The following LMNTD1 variants were observed in gnomAD, a reference collection of about 807,000 sequenced individuals.
LMNTD1 encodes the protein lamin tail domain-containing protein 1.
A neutral mutation model predicts 50.9 loss-of-function variants in LMNTD1; 35 were observed. The ratio of observed to expected loss-of-function variants is 0.69; its 90% CI spans 0.53 to 0.91. LMNTD1 has a LOEUF of 0.91. Among genes scored for constraint, LMNTD1 ranks in the 40% least tolerant of loss-of-function variants. LMNTD1 has a pLI of 0.00. For missense variants in LMNTD1, 470 were observed against 475.5 expected (o/e 0.99, Z 0.11); for synonymous variants, 153 against 161.9 (o/e 0.94, Z 0.42).
chr12:25,549,302 A>C lies in LMNTD1; in HGVS notation c.310+24T>G. The C allele has an allele frequency of 2.2e-6, 3 of 1,347,194 alleles. No individual in the cohort carries two copies. The South Asian group carries it at 3.7e-5, about 17-fold the overall frequency. The allele number at this position is 1,347,194 out of a possible 1,614,324, so 83.5% of individuals were successfully genotyped here. A position where few individuals can be genotyped will look rare whatever the true frequency, so the allele number is the denominator to read the frequency against. ...TATAAGCTTTAAAAGTACTCTAAAA[A>C]TATGGGTTCCATATTTTGCTTACCC... On this transcript the variant is annotated intron_variant, in intron 3 of 9. Transcript: ENST00000458174.
intron 1 of LMNTD1, among the ~76,000 whole-genome samples, chr12:25,624,508 G>C (rs1050762941): frequency 6.6e-6 from 1 of 152,172 alleles, no homozygotes; most frequent in East Asian, 1.9e-4. Flanking sequence ...GAGCCTGATG[G>C]TGTGGATTTA....
At chr12:25,612,622 C>T (rs1024168615) in intron 1 of LMNTD1, among the ~76,000 whole-genome samples, 1 of 151,790 alleles carries the variant, frequency 6.6e-6, no homozygotes, top group African/African-American at 2.4e-5. Context: ...TGCCTGAATC[C>T]CTTTGGCTGA....
chr12:25,623,707 T>C (rs1392479797), intron 1 of LMNTD1, among the ~76,000 whole-genome samples: 1 of 152,124 alleles, frequency 6.6e-6, no homozygotes, highest in East Asian at 1.9e-4. Flanking sequence ...CCAATAACAT[T>C]GGATATCTGC....
chr12:25,591,377 T>C (rs1565507625), intron 1 of LMNTD1, among the ~76,000 whole-genome samples: 1 of 152,170 alleles, frequency 6.6e-6, no homozygotes, highest in Non-Finnish European at 1.5e-5. Context: ...CAGTACTCCA[T>C]GTGGGCCTGT....
chr12:25,587,643 C>A (rs1431393474), intron 1 of LMNTD1, among the ~76,000 whole-genome samples: 1 of 152,188 alleles, frequency 6.6e-6, no homozygotes, highest in Admixed American at 6.5e-5. Context: ...ATGGGCCCTG[C>A]CTTCAACACT....
At chr12:25,618,279 T>C (rs1946389864) in intron 1 of LMNTD1, among the ~76,000 whole-genome samples, 1 of 152,182 alleles carries the variant, frequency 6.6e-6, no homozygotes, top group Non-Finnish European at 1.5e-5. Context: ...GCTATACCCT[T>C]GGGAATTCTG....
intron 1 of LMNTD1, chr12:25,586,207 C>T (rs1420599280): frequency 6.6e-6 from 1 of 151,388 alleles, no homozygotes; most frequent in Non-Finnish European, 1.5e-5. Context: ...TTTTTTTCCC[C>T]TTCCGTTTGT....
chr12:25,583,352 A>G (rs1041486392), intron 1 of LMNTD1, among the ~76,000 whole-genome samples: 2 of 151,180 alleles, frequency 1.3e-5, no homozygotes, highest in Non-Finnish European at 2.9e-5. Flanking sequence ...AAATTTTAGT[A>G]GAGCCGAGGT....
chr12:25,590,309 A>T (rs901251786), intron 1 of LMNTD1, among the ~76,000 whole-genome samples: 3 of 152,154 alleles, frequency 2.0e-5, no homozygotes, highest in African/African-American at 7.2e-5. Context: ...TAACAGAAAA[A>T]AAAGGACCAT....
chr12:25,557,895 C>A (rs1046479498), upstream of LMNTD1, among the ~76,000 whole-genome samples: 1 of 152,164 alleles, frequency 6.6e-6, no homozygotes, highest in Non-Finnish European at 1.5e-5. Flanking sequence ...GGAGCCAAAG[C>A]CTGTAACACA....
chr12:25,643,215 G>A (rs746436452), intron 1 of LMNTD1, among the ~76,000 whole-genome samples: 1 of 152,222 alleles, frequency 6.6e-6, no homozygotes, highest in Non-Finnish European at 1.5e-5. Flanking sequence ...TATGATTATA[G>A]TGGGATGAGC....
At chr12:25,615,075 C>T (rs1298184282) in intron 1 of LMNTD1, among the ~76,000 whole-genome samples, 1 of 152,044 alleles carries the variant, frequency 6.6e-6, no homozygotes, top group East Asian at 1.9e-4. Context: ...GGACGTCAAC[C>T]GATAAATACA....
chr12:25,598,853 T>TA (rs767088603), intron 1 of LMNTD1, among the ~76,000 whole-genome samples: 11 of 151,488 alleles, frequency 7.3e-5, no homozygotes, highest in South Asian at 2.1e-4. Context: ...ATTGAAGCCA[T>TA]AAAAAAAATG....
chr12:25,601,290 C>A lies in LMNTD1; in HGVS notation c.58+47204G>T, dbSNP rs571704493. Among the ~76,000 whole-genome samples, 345 of 151,654 alleles carry A rather than the reference C, an allele frequency of 2.3e-3. 1 individual carries two copies. Among genetic ancestry groups the A allele is most frequent in the African/African-American group, 8.0e-3 (333 of 41,394 alleles). ...AAGTTAGAGAGTAGAAGGACAGTTA[C>A]CAGAGGCTGGGAAGGGTAGTGGGAT... On this transcript the variant is annotated intron_variant, in intron 1 of 7. Transcript: ENST00000445693.
intron 8 of LMNTD1, among the ~76,000 whole-genome samples, chr12:25,514,361 A>G (rs925262770): frequency 6.6e-6 from 1 of 152,198 alleles, no homozygotes; most frequent in Non-Finnish European, 1.5e-5. Flanking sequence ...CTTCAAATAT[A>G]TTAAAGACAT....
intron 1 of LMNTD1, among the ~76,000 whole-genome samples, chr12:25,626,472 T>C (rs1565526615): frequency 6.6e-6 from 1 of 152,174 alleles, no homozygotes; most frequent in Non-Finnish European, 1.5e-5. Context: ...GCATTATAAA[T>C]AGTAACTATA....
rs757099460 is a variant in LMNTD1 at position 25,519,010 on chromosome 12, A to G, written c.1017-43T>C. The G allele has an allele frequency of 1.1e-5, 18 of 1,586,354 alleles. No homozygotes were observed. In the South Asian group the frequency reaches 1.9e-4, roughly 17 times the overall value. ...CTAAATGGAACTCAAAAGCCATTTT[A>G]TGCTGTGGTGTTAATGTTGAAGGCA... On this transcript the variant is annotated intron_variant, in intron 7 of 9. Coordinates refer to ENST00000458174, the MANE Select transcript of LMNTD1 (RefSeq NM_001145728.2).
chr12:25,507,804 T>A (rs1348887174), intron 8 of LMNTD1, among the ~76,000 whole-genome samples: 2 of 152,220 alleles, frequency 1.3e-5, no homozygotes, highest in African/African-American at 4.8e-5. Context: ...ATCTTGTGTA[T>A]AAAGGAAGAA....
intron 1 of LMNTD1, among the ~76,000 whole-genome samples, chr12:25,611,395 A>G (rs1489381561): frequency 6.6e-6 from 1 of 152,220 alleles, no homozygotes; most frequent in East Asian, 1.9e-4. Flanking sequence ...TGTTTTGTTT[A>G]GAATGGGAAC....
Sources: gnomAD v4.1 joint callset for allele counts (sites outside exome capture counted in the v4.1 genomes callset) on GRCh38, gnomAD v4.1.1 for gene constraint, MANE v1.5 for transcripts, NCBI Gene and HGNC (gene_info 2026-07-23, HGNC 2026-07-21) for gene names.